Variants in KLF17 observed in about 807,000 individuals in gnomAD.
KLF17 encodes Krueppel-like factor 17.
Under a neutral mutation model 34.2 loss-of-function variants are expected in KLF17, and 31 were observed. That is an observed-to-expected ratio of 0.91 (90% CI 0.68 to 1.22). KLF17 has a LOEUF of 1.22. KLF17 is among the 50% of genes most tolerant of loss of function. The probability of loss-of-function intolerance (pLI) is 0.00; values close to 1 mark genes in which losing one functional copy is unlikely to be tolerated. For synonymous variants in KLF17, 179 were observed against 186.7 expected (o/e 0.96, Z 0.34); for missense variants, 478 against 505.2 (o/e 0.95, Z 0.52).
chr1:44,097,731 A>G, the KLF17 span, among the ~76,000 whole-genome samples: 4 of 152,118 alleles, frequency 2.6e-5, no homozygotes, highest in African/African-American at 9.7e-5. Flanking sequence ...TTCCCTTTTC[A>G]GTATGATACT....
At chr1:44,083,621 C>T in the KLF17 span, among the ~76,000 whole-genome samples, 19 of 151,904 alleles carry the variant, frequency 1.3e-4, no homozygotes, top group African/African-American at 4.6e-4. Context: ...ATAGTGAAAC[C>T]CATCTCTACT....
At position 44,122,364 on chromosome 1, in the gene KLF17, C is replaced by T. The variant is rs1350195055; in HGVS notation, c.81+3376C>T. ...CAGCGTTTCCAGCTGTACAGGTTCT[C>T]TGTTCTTCGGGGTCATTTTCACAGC... On this transcript the variant is annotated intron_variant, in intron 1 of 3. Transcript: ENST00000372299. 4.4e-6 allele frequency: 7 copies of T among 1,607,996 alleles called. No homozygotes were observed. The Admixed American group carries it at 1.0e-4, about 23-fold the overall frequency.
the KLF17 span, among the ~76,000 whole-genome samples, chr1:44,057,955 A>G: frequency 6.6e-6 from 1 of 152,226 alleles, no homozygotes; most frequent in African/African-American, 2.4e-5. Context: ...GGGGACTGAA[A>G]TATTTGCTAG....
At chr1:44,091,701 T>C in the KLF17 span, among the ~76,000 whole-genome samples, 1 of 149,346 alleles carries the variant, frequency 6.7e-6, no homozygotes, top group South Asian at 2.1e-4. Context: ...GTTAAGAGAA[T>C]GAAGGTCAGA....
In KLF17 at chr1:44,118,944, G is replaced by C. The variant is rs895680201; in HGVS notation, c.37G>C (p.Ala13Pro). The change falls in exon 1 of 4, where the codon GCT (alanine) becomes CCT (proline). Residue 13 changes from alanine to proline, a missense_variant. By Grantham distance (27) the Ala-to-Pro change is conservative (BLOSUM62 -1). Coordinates refer to ENST00000372299, the MANE Select transcript of KLF17 (RefSeq NM_173484.4). ...ACCGCAGGCTGAGATGGAACAGGAG[G>C]CTGGGGAGCTGAGCCGGTGGCAGGC... ...GRPQAEMEQEAGELSRWQAAH... is the reference protein window; with the variant it reads ...GRPQAEMEQEPGELSRWQAAH... 6.2e-7 allele frequency: 1 copy of C among 1,612,410 alleles called. No homozygotes were observed. Among genetic ancestry groups the C allele is most frequent in the African/African-American group, 1.3e-5 (1 of 75,010 alleles).
Position 44,130,204 on chromosome 1 carries a change from A to C in KLF17, c.925+8A>C, listed in dbSNP as rs762822030. The C allele has an allele frequency of 6.2e-7, 1 of 1,600,544 alleles. No individual in the cohort carries two copies. Among genetic ancestry groups the C allele is most frequent in the South Asian group, 1.1e-5 (1 of 89,108 alleles). ...ACCAGCGCAAGCACACAGGTGAAGG[A>C]GGTGTCAGGTGGGGTGGGGATGGAG... On this transcript the variant is annotated splice_region_variant and intron_variant, in intron 2 of 3. Transcript: ENST00000372299.
At chr1:44,104,455 C>G in the KLF17 span, 3 of 809,850 alleles carry the variant, frequency 3.7e-6, no homozygotes, top group Non-Finnish European at 6.6e-6. Context: ...CGCACCTTGT[C>G]GATGAAGGAG....
At chr1:44,079,375 C>G in the KLF17 span, among the ~76,000 whole-genome samples, 1 of 148,948 alleles carries the variant, frequency 6.7e-6, no homozygotes, top group Non-Finnish European at 1.5e-5. Flanking sequence ...AATCACAGTT[C>G]AGCCTCGACC....
chr1:44,058,001 T>C, the KLF17 span, among the ~76,000 whole-genome samples: 9 of 152,184 alleles, frequency 5.9e-5, no homozygotes, highest in Non-Finnish European at 1.2e-4. Flanking sequence ...GATAGAGGAT[T>C]TCACCACAAG....
At chr1:44,058,667 CTTTTTTTTTTTTTTTTTTTTTT>C in the KLF17 span, among the ~76,000 whole-genome samples, 5 of 65,204 alleles carry the variant, frequency 7.7e-5, no homozygotes, top group Non-Finnish European at 8.1e-5. Context: ...ATGGGAGGCC[CTTTTTTTTTTTTTTTTTTTTTT>C]TTTTTTTTTT....
Position 44,126,009 on chromosome 1 carries a change from T to TTTTTG in KLF17, c.82-3319_82-3315dup, listed in dbSNP as rs138404452. Among the ~76,000 whole-genome samples the TTTTTG allele has an allele frequency of 3.0e-3, 449 of 151,884 alleles. 3 individuals are homozygous for TTTTTG. The highest frequency in any genetic ancestry group is 5.6e-3 in the African/African-American group (230 of 41,362). On this transcript the variant is annotated intron_variant, in intron 1 of 3. Transcript: ENST00000372299. ...CCCTAATAGTTGGAGGACAAGGTTTTTTTTGTTTTGTTTTGTTTTGTTTTG... is the reference window on the plus strand; with the variant it reads ...CCCTAATAGTTGGAGGACAAGGTTTTTTTTGTTTTGTTTTGTTTTGTTTTGTTTTG...
chr1:44,071,653 A>G, the KLF17 span, among the ~76,000 whole-genome samples: 1 of 152,054 alleles, frequency 6.6e-6, no homozygotes, highest in African/African-American at 2.4e-5. Flanking sequence ...CCCTTGTCCT[A>G]GTCACTGCTA....
At chr1:44,080,531 C>T in the KLF17 span, among the ~76,000 whole-genome samples, 1 of 152,112 alleles carries the variant, frequency 6.6e-6, no homozygotes, top group Non-Finnish European at 1.5e-5. Flanking sequence ...AGCCACAGCA[C>T]CAGGCTCTCT....
chr1:44,115,467 A>C (rs2087871175), upstream of KLF17: 1 of 151,096 alleles, frequency 6.6e-6, no homozygotes, highest in Non-Finnish European at 1.5e-5. Context: ...AAAAAAAAAA[A>C]AAAAACCAAA....
At chr1:44,059,414 G>T in the KLF17 span, among the ~76,000 whole-genome samples, 1 of 152,158 alleles carries the variant, frequency 6.6e-6, no homozygotes, top group African/African-American at 2.4e-5. Flanking sequence ...TCCAGTGCAG[G>T]TGGGAACATA....
chr1:44,092,504 C>T, the KLF17 span, among the ~76,000 whole-genome samples: 3 of 152,072 alleles, frequency 2.0e-5, no homozygotes, highest in African/African-American at 7.2e-5. Context: ...AAGTGATGAA[C>T]ATTTCTACAT....
At chr1:44,065,253 ATTCCAGCC>A in the KLF17 span, among the ~76,000 whole-genome samples, 1 of 151,850 alleles carries the variant, frequency 6.6e-6, no homozygotes, top group Non-Finnish European at 1.5e-5. Flanking sequence ...ATGCCACTGC[ATTCCAGCC>A]TGGGCGACAG....
chr1:44,130,635 G>A lies in KLF17; in HGVS notation c.1049G>A (p.Arg350Gln), dbSNP rs2088096996. Residue 350 changes from arginine to glutamine, a missense_variant, in exon 3 of 4, where the codon CGG (arginine) becomes CAG (glutamine). Transcript: ENST00000372299. Reference sequence around the variant, plus strand: ...CCATATAAATGTGATCAGTGCAGCCGGGAGTTCATGAGGTCTGACCATCTC... The same window carrying A: ...CCATATAAATGTGATCAGTGCAGCCAGGAGTTCATGAGGTCTGACCATCTC... ...YRPYKCDQCSREFMRSDHLKQ... is the reference protein window; with the variant it reads ...YRPYKCDQCSQEFMRSDHLKQ... 7 of 1,613,950 alleles carry A rather than the reference G, an allele frequency of 4.3e-6. No homozygotes were observed. The highest frequency in any genetic ancestry group is 2.7e-5 in the African/African-American group (2 of 74,870).
In KLF17 at chr1:44,133,797, G is replaced by A. The variant is rs1241761382; in HGVS notation, c.*560G>A. 3 of 152,312 alleles carry A rather than the reference G, an allele frequency of 2.0e-5. No homozygotes were observed. Among genetic ancestry groups the A allele is most frequent in the African/African-American group, 4.8e-5 (2 of 41,450 alleles). 9.4% of individuals were successfully genotyped at this position (152,312 alleles called of 1,614,324 possible). On this transcript the variant is annotated 3_prime_UTR_variant, in exon 4 of 4. Transcript: ENST00000372299. ...TAGTGGCCCCAGTATACCTGGGATG[G>A]ACATCCAGGTGCCCTTCATCCAAGC...
Sources: allele counts gnomAD v4.1 joint callset (sites outside exome capture counted in the v4.1 genomes callset), GRCh38; gene constraint gnomAD v4.1.1; transcripts MANE v1.5; gene names NCBI Gene and HGNC (gene_info 2026-07-23, HGNC 2026-07-21).